The following SVIL variants were observed in gnomAD, a reference collection of about 807,000 sequenced individuals.
The protein encoded by SVIL is archvillin.
SVIL carries 101 observed loss-of-function variants against 240.4 expected under a neutral mutation model. The ratio of observed to expected loss-of-function variants is 0.42; its 90% CI spans 0.36 to 0.50. The LOEUF (loss-of-function observed/expected upper bound fraction) is 0.50. SVIL is among the 20% of genes least tolerant of loss of function. SVIL has a pLI of 0.01. For missense variants in SVIL, 2,512 were observed against 2,818.7 expected (o/e 0.89, Z 2.46); for synonymous variants, 999 against 1,100.0 (o/e 0.91, Z 1.82).
intron 1 of SVIL, among the ~76,000 whole-genome samples, chr10:29,727,040 C>T (rs1428201767): frequency 1.3e-5 from 2 of 152,228 alleles, no homozygotes; most frequent in Admixed American, 6.5e-5. Flanking sequence ...AGCATACACA[C>T]ACACACCACG....
intron 1 of SVIL, among the ~76,000 whole-genome samples, chr10:29,607,704 C>T (rs1282595739): frequency 6.6e-6 from 1 of 152,146 alleles, no homozygotes; most frequent in Non-Finnish European, 1.5e-5. Flanking sequence ...TTGCTCTCTG[C>T]CTGAAAAGAT....
At chr10:29,610,787 C>T (rs1957215581) in intron 1 of SVIL, among the ~76,000 whole-genome samples, 1 of 152,114 alleles carries the variant, frequency 6.6e-6, no homozygotes, top group Non-Finnish European at 1.5e-5. Context: ...TCAAAAATCC[C>T]ACCCACCCTT....
At chr10:29,464,294 C>T (rs559569423) in intron 34 of SVIL, among the ~76,000 whole-genome samples, 39 of 151,938 alleles carry the variant, frequency 2.6e-4, no homozygotes, top group Non-Finnish European at 5.0e-4. Context: ...AAAAAATTAG[C>T]GAGGCATGGT....
At chr10:29,708,257 CAAAA>C (rs35982600) in intron 1 of SVIL, among the ~76,000 whole-genome samples, 13 of 62,694 alleles carry the variant, frequency 2.1e-4, no homozygotes, top group African/African-American at 6.9e-4. Context: ...GACTCCATCT[CAAAA>C]AAAAAAAAAA....
intron 7 of SVIL, among the ~76,000 whole-genome samples, chr10:29,533,857 C>T (rs1406457998): frequency 3.9e-5 from 6 of 152,182 alleles, no homozygotes; most frequent in South Asian, 2.1e-4. Context: ...GCCCAGAACA[C>T]GGACTGTGGG....
intron 3 of SVIL, among the ~76,000 whole-genome samples, chr10:29,561,011 C>T (rs11007651): frequency 0.28 from 42,492 of 151,666 alleles, 6,057 homozygotes; most frequent in East Asian, 0.33. Context: ...TTAGTAGAGA[C>T]GGGGTTTCAC....
chr10:29,716,054 C>T (rs1015262975), intron 1 of SVIL, among the ~76,000 whole-genome samples: 2 of 152,158 alleles, frequency 1.3e-5, no homozygotes, highest in African/African-American at 4.8e-5. Context: ...TACTATATTG[C>T]TTAAAATATT....
chr10:29,728,825 G>A (rs1964437129), intron 1 of SVIL, among the ~76,000 whole-genome samples: 1 of 152,156 alleles, frequency 6.6e-6, no homozygotes, highest in Admixed American at 6.6e-5. Flanking sequence ...AGCAGGCTGG[G>A]GAGTGGAGGG....
intron 18 of SVIL, among the ~76,000 whole-genome samples, chr10:29,498,025 T>C (rs1184047846): frequency 7.6e-6 from 1 of 130,736 alleles, no homozygotes; most frequent in Non-Finnish European, 1.5e-5. Flanking sequence ...GAGGTTGCAG[T>C]GACCTGAGAT....
chr10:29,681,613 G>A (rs1318031928), intron 2 of SVIL, among the ~76,000 whole-genome samples: 3 of 152,136 alleles, frequency 2.0e-5, no homozygotes, highest in African/African-American at 7.2e-5. Flanking sequence ...AAGAAGCTTA[G>A]CATAGAAGTT....
chr10:29,562,438 CGCT>C lies in SVIL; in HGVS notation c.-51+760_-51+762del, dbSNP rs1564644227. ...GATAAAGTCTGCACGGGCTGTTCGC[CGCT>C]CAGCAGGAAGCTACAAGATGTTAAA... On this transcript the variant is annotated intron_variant, in intron 3 of 37. Transcript: ENST00000355867. 2.6e-5 allele frequency among the ~76,000 whole-genome samples: 4 copies of C among 152,310 alleles called. No homozygotes were observed. In the East Asian group the frequency reaches 7.7e-4, roughly 29 times the overall value.
intron 29 of SVIL, among the ~76,000 whole-genome samples, chr10:29,475,173 G>A (rs1373683045): frequency 6.6e-6 from 1 of 152,174 alleles, no homozygotes; most frequent in Non-Finnish European, 1.5e-5. Flanking sequence ...CTACAGGCAT[G>A]CGTCACCATG....
intron 3 of SVIL, among the ~76,000 whole-genome samples, chr10:29,643,753 C>T (rs138879668): frequency 2.6e-5 from 4 of 152,228 alleles, no homozygotes; most frequent in African/African-American, 9.6e-5. Flanking sequence ...AGCTGAAAAT[C>T]TTTGAGCTCC....
chr10:29,636,116 T>C (rs1958302965), upstream of SVIL, among the ~76,000 whole-genome samples: 1 of 152,048 alleles, frequency 6.6e-6, no homozygotes, highest in Non-Finnish European at 1.5e-5. Flanking sequence ...TTTTTTTTTT[T>C]TACCCATCTC....
chr10:29,707,753 C>T (rs1962992264), intron 1 of SVIL, among the ~76,000 whole-genome samples: 1 of 152,098 alleles, frequency 6.6e-6, no homozygotes, highest in Non-Finnish European at 1.5e-5. Context: ...ATCTTTAAAA[C>T]AGTGAGTATA....
intron 1 of SVIL, among the ~76,000 whole-genome samples, chr10:29,724,225 A>G (rs900806992): frequency 2.7e-5 from 4 of 149,574 alleles, no homozygotes; most frequent in African/African-American, 9.8e-5. Context: ...CATGGAACCA[A>G]TTTGTTCATG....
chr10:29,521,981 C>A (rs555082912), intron 16 of SVIL, among the ~76,000 whole-genome samples: 59 of 152,124 alleles, frequency 3.9e-4, no homozygotes, highest in African/African-American at 1.3e-3. Flanking sequence ...TATCTTCACT[C>A]CCTCTACACA....
In SVIL at chr10:29,496,073, G is replaced by A. The variant is rs180803007; in HGVS notation, c.3665-892C>T. On this transcript the variant is annotated intron_variant, in intron 18 of 37. Transcript: ENST00000355867. ...AATGCATCCCTGGACGAACAACATC[G>A]AGAGGTTATGCAAATCACTATCACA... Among the ~76,000 whole-genome samples the A allele has an allele frequency of 3.3e-3, 498 of 152,234 alleles. 2 individuals carry two copies. Among genetic ancestry groups the A allele is most frequent in the African/African-American group, 0.011 (459 of 41,524 alleles).
intron 1 of SVIL, among the ~76,000 whole-genome samples, chr10:29,583,716 A>G (rs559649202): frequency 6.6e-6 from 1 of 152,292 alleles, no homozygotes; most frequent in South Asian, 2.1e-4. Context: ...TCACACTTTC[A>G]TGATTGGCTT....
Sources: gnomAD v4.1 joint callset for allele counts (sites outside exome capture counted in the v4.1 genomes callset) on GRCh38, gnomAD v4.1.1 for gene constraint, MANE v1.5 for transcripts, NCBI Gene and HGNC (gene_info 2026-07-23, HGNC 2026-07-21) for gene names.